DAB2IP: variants seen among roughly 807,000 people sequenced by gnomAD.
The protein encoded by DAB2IP is disabled homolog 2-interacting protein.
A neutral mutation model predicts 107.2 loss-of-function variants in DAB2IP; 28 were observed. The ratio of observed to expected loss-of-function variants is 0.26; its 90% CI spans 0.19 to 0.36. DAB2IP has a LOEUF of 0.36. Among genes scored for constraint, DAB2IP ranks in the 10% least tolerant of loss-of-function variants. The pLI, the probability that DAB2IP is intolerant of heterozygous loss-of-function variation, is 1.00. For missense variants in DAB2IP, 1,400 were observed against 1,644.7 expected (o/e 0.85, Z 2.57); for synonymous variants, 755 against 706.4 (o/e 1.07, Z -1.09).
intron 1 of DAB2IP, among the ~76,000 whole-genome samples, chr9:121,655,971 G>A (rs1832952578): frequency 6.6e-6 from 1 of 151,562 alleles, no homozygotes; most frequent in Non-Finnish European, 1.5e-5. Context: ...AAGGACCTGT[G>A]TGCCACCATG....
chr9:121,725,270 C>T (rs1027433697), intron 3 of DAB2IP, among the ~76,000 whole-genome samples: 10 of 152,194 alleles, frequency 6.6e-5, no homozygotes, highest in Non-Finnish European at 1.2e-4. Flanking sequence ...CTGTGATTCT[C>T]GACACAGCCA....
At chr9:121,704,045 C>T (rs145427433) in intron 3 of DAB2IP, among the ~76,000 whole-genome samples, 358 of 152,208 alleles carry the variant, frequency 2.4e-3, no homozygotes, top group African/African-American at 4.0e-3. Context: ...TTCCATCTTC[C>T]GTTTGGGTCA....
exon 7 of DAB2IP, chr9:121,763,565 A>G (rs1223678576): frequency 1.9e-6 from 3 of 1,613,914 alleles, no homozygotes; most frequent in South Asian, 1.1e-5. Flanking sequence ...CGAGCACCTC[A>G]TCTTCCGGGA....
At chr9:121,747,806 G>C (rs1273504197) in intron 3 of DAB2IP, among the ~76,000 whole-genome samples, 1 of 149,712 alleles carries the variant, frequency 6.7e-6, no homozygotes, top group Non-Finnish European at 1.5e-5. Context: ...TGGGGGATTA[G>C]ATGGAAAGTT....
rs186550168 is a variant in DAB2IP, at chr9:121,669,448, C to A, written c.125-9230C>A. On this transcript the variant is annotated intron_variant, in intron 1 of 15. Transcript: ENST00000408936. ...TTACTCATTGCAGTGAGGGAGAGCA[C>A]GCACCATGGGGCATCTCAGAAAGTG... 2.3e-3 allele frequency among the ~76,000 whole-genome samples: 356 copies of A among 152,056 alleles called. 4 individuals carry two copies. Among genetic ancestry groups the A allele is most frequent in the Non-Finnish European group, 1.2e-3 (83 of 67,992 alleles).
chr9:121,632,961 C>T (rs1016870450), intron 1 of DAB2IP, among the ~76,000 whole-genome samples: 20 of 152,206 alleles, frequency 1.3e-4, no homozygotes, highest in Non-Finnish European at 2.9e-5. Flanking sequence ...TATGCACTTT[C>T]CCCTAGACCC....
chr9:121,596,513 TCAAAA>T (rs770140869), intron 1 of DAB2IP, among the ~76,000 whole-genome samples: 4 of 152,130 alleles, frequency 2.6e-5, no homozygotes, highest in Admixed American at 6.5e-5. Flanking sequence ...AGCCTCTGTC[TCAAAA>T]CAAAACAAAA....
chr9:121,731,086 G>A (rs1230523313), intron 3 of DAB2IP, among the ~76,000 whole-genome samples: 1 of 152,202 alleles, frequency 6.6e-6, no homozygotes, highest in Non-Finnish European at 1.5e-5. Flanking sequence ...TCCAGGCCCT[G>A]CCCTGGACAC....
intron 3 of DAB2IP, among the ~76,000 whole-genome samples, chr9:121,709,911 A>G (rs1830251474): frequency 1.3e-5 from 2 of 152,202 alleles, no homozygotes; most frequent in Admixed American, 6.5e-5. Flanking sequence ...CCTCTCTAGT[A>G]TATTAGCTGA....
chr9:121,576,703 G>A (rs1302616459), intron 1 of DAB2IP, among the ~76,000 whole-genome samples: 5 of 152,180 alleles, frequency 3.3e-5, no homozygotes, highest in African/African-American at 9.6e-5. Context: ...TGTGTGGCAG[G>A]AGATGTTGGT....
upstream of DAB2IP, among the ~76,000 whole-genome samples, chr9:121,649,717 C>T (rs1341822233): frequency 6.6e-6 from 1 of 152,228 alleles, no homozygotes; most frequent in Non-Finnish European, 1.5e-5. Context: ...ACCCCACCTA[C>T]GTGAGGAGGC....
At chr9:121,769,641 T>C (rs980599689) in intron 10 of DAB2IP, among the ~76,000 whole-genome samples, 2 of 152,218 alleles carry the variant, frequency 1.3e-5, no homozygotes, top group Non-Finnish European at 2.9e-5. Flanking sequence ...TTTTTGCTCA[T>C]TTGTATCCAC....
At chr9:121,734,379 G>A (rs1435587480) in intron 3 of DAB2IP, among the ~76,000 whole-genome samples, 6 of 134,942 alleles carry the variant, frequency 4.4e-5, no homozygotes, top group East Asian at 4.0e-4. Flanking sequence ...GCGAGACTCC[G>A]TCTCAAAAAA....
intron 9 of DAB2IP, among the ~76,000 whole-genome samples, chr9:121,767,660 A>C (rs78812089): frequency 6.6e-6 from 1 of 152,152 alleles, no homozygotes; most frequent in Non-Finnish European, 1.5e-5. Context: ...AAGGGAGAGG[A>C]TGGCCTTCCT....
chr9:121,674,039 G>A (rs1017451375), intron 1 of DAB2IP, among the ~76,000 whole-genome samples: 7 of 152,232 alleles, frequency 4.6e-5, no homozygotes, highest in African/African-American at 1.7e-4. Flanking sequence ...CGGGAACCAC[G>A]GGGCAGTGCA....
Position 121,699,501 on chromosome 9 carries a change from G to T in DAB2IP, c.362+43G>T, listed in dbSNP as rs1182116469. On this transcript the variant is annotated intron_variant, in intron 3 of 15. Transcript: ENST00000408936. This position sits in a 1 kb window ranked among gnomAD's most constrained non-coding sequence, Gnocchi z 6.2. ...GCCCGGTCCCCCGCGCCGCCGCCCCGGGCTGCGCCCCTGAGGACGCGGGGA... is the reference window on the plus strand; with the variant it reads ...GCCCGGTCCCCCGCGCCGCCGCCCCTGGCTGCGCCCCTGAGGACGCGGGGA... 15 of 1,234,520 alleles carry T rather than the reference G, an allele frequency of 1.2e-5. No homozygotes were observed. In the African/African-American group the frequency reaches 2.4e-4, roughly 20 times the overall value. The allele number at this position is 1,234,520 out of a possible 1,614,324, so 76.5% of individuals were successfully genotyped here.
chr9:121,673,482 A>T (rs529721963), intron 1 of DAB2IP, among the ~76,000 whole-genome samples: 3 of 152,306 alleles, frequency 2.0e-5, no homozygotes, highest in African/African-American at 7.2e-5. Flanking sequence ...GATTGCCCCT[A>T]AGTGGGCAAA....
chr9:121,710,365 G>A (rs1028225896), intron 3 of DAB2IP, among the ~76,000 whole-genome samples: 2 of 152,204 alleles, frequency 1.3e-5, no homozygotes, highest in African/African-American at 4.8e-5. Context: ...CCCAAGTCCT[G>A]AGGTGGTAGG....
chr9:121,643,629 G>C (rs145593755), intron 1 of DAB2IP, among the ~76,000 whole-genome samples: 1 of 151,876 alleles, frequency 6.6e-6, no homozygotes. Flanking sequence ...TTTTCTGCTC[G>C]CTATGCAGTC....
Sources: allele counts gnomAD v4.1 joint callset (sites outside exome capture counted in the v4.1 genomes callset), GRCh38; gene constraint gnomAD v4.1.1; non-coding constraint Gnocchi (gnomAD v3.1); transcripts MANE v1.5; gene names NCBI Gene and HGNC (gene_info 2026-07-23, HGNC 2026-07-21).